PPP1R11: variants seen among roughly 807,000 people sequenced by gnomAD.
PPP1R11 encodes protein phosphatase 1 regulatory inhibitor subunit 11, also known as E3 ubiquitin-protein ligase PPP1R11.
A neutral mutation model predicts 11.3 loss-of-function variants in PPP1R11; 10 were observed. The observed-to-expected ratio is 0.88, with a 90% CI of 0.55 to 1.50. The LOEUF is 1.50. Ranked by LOEUF, PPP1R11 falls within the 40% of genes most tolerant of loss-of-function variation. The probability of loss-of-function intolerance (pLI) is 0.00; values close to 1 mark genes in which losing one functional copy is unlikely to be tolerated. For missense variants in PPP1R11, 114 were observed against 179.1 expected (o/e 0.64, Z 2.07); for synonymous variants, 56 against 62.3 (o/e 0.90, Z 0.48).
At chr6:30,064,934 T>C (rs368575602), upstream of PPP1R11, 213 of 392,490 alleles carry the variant, frequency 5.4e-4, 17 homozygotes, top group East Asian at 2.0e-3. Context: ...ATAATCTGTC[T>C]TATTCCAAAA....
the PPP1R11 span, chr6:30,061,540 C>T: frequency 3.7e-6 from 6 of 1,613,112 alleles, no homozygotes; most frequent in South Asian, 2.2e-5. The surrounding 1 kb of genome is among the most constrained non-coding windows in gnomAD (Gnocchi z 5.0). Flanking sequence ...TGTCATGGAC[C>T]TCGCCAATAC....
At chr6:30,062,158 C>T, upstream of PPP1R11, 3 of 1,475,238 alleles carry the variant, frequency 2.0e-6, no homozygotes, top group Non-Finnish European at 2.8e-6. Context: ...GAGGCGTGAT[C>T]GCCTGATTCC....
chr6:30,062,032 T>C (rs928767181), upstream of PPP1R11: 18 of 1,607,456 alleles, frequency 1.1e-5, no homozygotes, highest in African/African-American at 2.1e-4. Flanking sequence ...GCTAATGAGA[T>C]CAAGAACTGG....
chr6:30,069,284 C>G lies in PPP1R11; in HGVS notation c.359C>G (p.Pro120Arg). Residue 120 changes from proline to arginine, a missense_variant, in exon 3 of 3, where the codon CCT becomes CGT. Pro to Arg is a moderately radical substitution (Grantham distance 103). Coordinates refer to ENST00000376772, the MANE Select transcript of PPP1R11 (RefSeq NM_021959.3). The surrounding 1 kb of genome is among the most constrained non-coding windows in gnomAD (Gnocchi z 6.6). Reference sequence around the variant, plus strand: ...CAGCCTCCTGACCCTTCCCAGCCCCCTCCAGGGCCAATGCAGCACTAAATC... The same window carrying G: ...CAGCCTCCTGACCCTTCCCAGCCCCGTCCAGGGCCAATGCAGCACTAAATC... Reference protein sequence around the residue: ...PPQPPDPSQPPPGPMQH With the variant: ...PPQPPDPSQPRPGPMQH The G allele has an allele frequency of 1.2e-6, 2 of 1,607,248 alleles. No individual in the cohort carries two copies. Among genetic ancestry groups the G allele is most frequent in the Non-Finnish European group, 1.7e-6 (2 of 1,176,100 alleles).
upstream of PPP1R11, among the ~76,000 whole-genome samples, chr6:30,066,107 C>A (rs3807031): frequency 0.18 from 27,247 of 152,018 alleles, 2,722 homozygotes; most frequent in East Asian, 0.25. Context: ...CTTTCCTGAC[C>A]CACTCCTGAA....
At chr6:30,062,101 G>A, upstream of PPP1R11, 1 of 1,485,670 alleles carries the variant, frequency 6.7e-7, no homozygotes, top group Admixed American at 1.7e-5. Context: ...GGAGAGTTTT[G>A]TGCCCAATTC....
At chr6:30,065,269 A>G (rs1765413540), upstream of PPP1R11, among the ~76,000 whole-genome samples, 1 of 152,144 alleles carries the variant, frequency 6.6e-6, no homozygotes, top group Non-Finnish European at 1.5e-5. The surrounding 1 kb of genome is among the most constrained non-coding windows in gnomAD (Gnocchi z 5.3). Flanking sequence ...TACACAGTTG[A>G]CCCTTGAACA....
At chr6:30,061,438 C>T in the PPP1R11 span, 1 of 1,509,820 alleles carries the variant, frequency 6.6e-7, no homozygotes, top group African/African-American at 1.4e-5. The surrounding 1 kb of genome is among the most constrained non-coding windows in gnomAD (Gnocchi z 5.0). Context: ...CTCCTAGGTC[C>T]TGGGACAGAA....
chr6:30,061,614 C>T, the PPP1R11 span: 1 of 1,612,914 alleles, frequency 6.2e-7, no homozygotes, highest in Non-Finnish European at 8.5e-7. This position sits in a 1 kb window ranked among gnomAD's most constrained non-coding sequence, Gnocchi z 5.0. Context: ...TGCCTCTGCC[C>T]GGGGCTCAGG....
At chr6:30,065,969 T>C (rs188844049), upstream of PPP1R11, among the ~76,000 whole-genome samples, 366 of 152,320 alleles carry the variant, frequency 2.4e-3, 3 homozygotes, top group African/African-American at 7.5e-3. This position sits in a 1 kb window ranked among gnomAD's most constrained non-coding sequence, Gnocchi z 5.3. Context: ...AATTATCATA[T>C]AATTGTGTGG....
chr6:30,068,502 A>T, intron 1 of PPP1R11, 88 bp from the exon 2 acceptor site: 1 of 1,057,202 alleles, frequency 9.5e-7, no homozygotes, highest in Non-Finnish European at 1.4e-6. Context: ...ATTGAGCTAA[A>T]GAAGAAAAGA....
Position 30,068,705 on chromosome 6 carries a change from A to G in PPP1R11, c.178+7A>G. ...GGCCGCCGCTCATCCAAATGTGAGTAATTGTTGGCCCGCAGTAGCCCTGGA... is the reference window on the plus strand; with the variant it reads ...GGCCGCCGCTCATCCAAATGTGAGTGATTGTTGGCCCGCAGTAGCCCTGGA... On this transcript the variant is annotated splice_region_variant and intron_variant, in intron 2 of 2. Transcript: ENST00000376772. 2 of 1,608,156 alleles carry G rather than the reference A, an allele frequency of 1.2e-6. No individual in the cohort carries two copies. Among genetic ancestry groups the G allele is most frequent in the Non-Finnish European group, 1.7e-6 (2 of 1,175,848 alleles).
Position 30,069,225 on chromosome 6 carries a change from T to C in PPP1R11, c.300T>C (p.Arg100=). 1 of 1,612,988 alleles carries C rather than the reference T, an allele frequency of 6.2e-7. No individual in the cohort carries two copies. Among genetic ancestry groups the C allele is most frequent in the East Asian group, 2.2e-5 (1 of 44,878 alleles). ...CVRGHRKGRR[R]ATLGPTPTTP... ...GTGGCCACCGCAAAGGACGGCGTCG[T>C]GCAACCCTAGGACCGACCCCCACCA... The change falls in exon 3 of 3, where the codon CGT becomes CGC. Residue 100 remains arginine, a synonymous_variant. Transcript: ENST00000376772. The surrounding 1 kb of genome is among the most constrained non-coding windows in gnomAD (Gnocchi z 6.6).
Position 30,069,530 on chromosome 6 carries a change from G to T in PPP1R11, c.*224G>T. On this transcript the variant is annotated 3_prime_UTR_variant, in exon 3 of 3. Coordinates refer to ENST00000376772, the MANE Select transcript of PPP1R11 (RefSeq NM_021959.3). This position sits in a 1 kb window ranked among gnomAD's most constrained non-coding sequence, Gnocchi z 6.6. Reference sequence around the variant, plus strand: ...CCAATACCCACCCTTCTCTCTCGAGGGATCTAGGCACCTTGGTCCCAGTGT... The same window carrying T: ...CCAATACCCACCCTTCTCTCTCGAGTGATCTAGGCACCTTGGTCCCAGTGT... The T allele has an allele frequency of 2.2e-6, 1 of 448,864 alleles. No homozygotes were observed. 27.8% of individuals were successfully genotyped at this position (448,864 alleles called of 1,614,324 possible). A position where few individuals can be genotyped will look rare whatever the true frequency, so the allele number is the denominator to read the frequency against.
At position 30,067,375 on chromosome 6, in the gene PPP1R11, C is replaced by G; in HGVS notation, c.-36C>G. Reference sequence around the variant, plus strand: ...AGAAAAAGGGAAGGGTGTCTCATCCCCCTTCCTCCTCTCCTCCCTGTCCTG... The same window carrying G: ...AGAAAAAGGGAAGGGTGTCTCATCCGCCTTCCTCCTCTCCTCCCTGTCCTG... On this transcript the variant is annotated 5_prime_UTR_variant, in exon 1 of 3. Coordinates refer to ENST00000376772, the MANE Select transcript of PPP1R11 (RefSeq NM_021959.3). 7.5e-6 allele frequency: 12 copies of G among 1,598,760 alleles called. No individual in the cohort carries two copies. Among genetic ancestry groups the G allele is most frequent in the Non-Finnish European group, 1.0e-5 (12 of 1,166,456 alleles).
At position 30,069,449 on chromosome 6, in the gene PPP1R11, C is replaced by G. The variant is rs1344155356; in HGVS notation, c.*143C>G. The G allele has an allele frequency of 5.7e-6, 4 of 706,532 alleles. No homozygotes were observed. In the African/African-American group the frequency reaches 7.2e-5, roughly 13 times the overall value. 43.8% of individuals were successfully genotyped at this position (706,532 alleles called of 1,614,324 possible). On this transcript the variant is annotated 3_prime_UTR_variant, in exon 3 of 3. Coordinates refer to ENST00000376772, the MANE Select transcript of PPP1R11 (RefSeq NM_021959.3). This position sits in a 1 kb window ranked among gnomAD's most constrained non-coding sequence, Gnocchi z 6.6. ...ACGAACAGAGATCCTGAAATTCTGA[C>G]TTGCTGCTATTCCAGAACCCAGCCT...
At position 30,068,683 on chromosome 6, in the gene PPP1R11, C is replaced by G; in HGVS notation, c.163C>G (p.Arg55Gly). ...CACTGTGGACAATGAACACATGGGC[C>G]GCCGCTCATCCAAATGTGAGTAATT... ...SDTVDNEHMG[R>G]RSSKCCCIYE... The change falls in exon 2 of 3, where the codon CGC becomes GGC. Residue 55 changes from arginine to glycine, a missense_variant. Coordinates refer to ENST00000376772, the MANE Select transcript of PPP1R11 (RefSeq NM_021959.3). 6.2e-7 allele frequency: 1 copy of G among 1,612,532 alleles called. No individual in the cohort carries two copies. Among genetic ancestry groups the G allele is most frequent in the Non-Finnish European group, 8.5e-7 (1 of 1,179,664 alleles).
chr6:30,067,172 A>G, upstream of PPP1R11: 1 of 447,348 alleles, frequency 2.2e-6, no homozygotes, highest in Non-Finnish European at 4.0e-6. Flanking sequence ...GTGCCGTGGA[A>G]GGGAAAAAGG....
chr6:30,067,339 A>C lies in PPP1R11; in HGVS notation c.-72A>C. On this transcript the variant is annotated 5_prime_UTR_variant, in exon 1 of 3. Coordinates refer to ENST00000376772, the MANE Select transcript of PPP1R11 (RefSeq NM_021959.3). ...CTGAATCCGATACCGCTTCTCTTAG[A>C]CCTCAGCGACAGAAAAAGGGAAGGG... The C allele has an allele frequency of 6.8e-7, 1 of 1,470,062 alleles. No homozygotes were observed. Among genetic ancestry groups the C allele is most frequent in the Middle Eastern group, 1.7e-4 (1 of 5,774 alleles). The allele number at this position is 1,470,062 out of a possible 1,614,324, so 91.1% of individuals were successfully genotyped here.
Sources: gnomAD v4.1 joint callset for allele counts (sites outside exome capture counted in the v4.1 genomes callset) on GRCh38, gnomAD v4.1.1 for gene constraint, Gnocchi (gnomAD v3.1) non-coding constraint, MANE v1.5 for transcripts, NCBI Gene and HGNC (gene_info 2026-07-23, HGNC 2026-07-21) for gene names.